The following STOX1 variants were observed in gnomAD, a reference collection of about 807,000 sequenced individuals.
STOX1 encodes storkhead-box protein 1.
In STOX1, 57 loss-of-function variants were observed where a neutral mutation model predicts 74.8. The ratio of observed to expected loss-of-function variants is 0.76; its 90% CI spans 0.62 to 0.95. The LOEUF (loss-of-function observed/expected upper bound fraction) is 0.95, where lower values mean the gene tolerates loss of function less well. Among genes scored for constraint, STOX1 ranks in the 40% least tolerant of loss-of-function variants. The pLI is 0.00. For synonymous variants in STOX1, 375 were observed against 401.3 expected (o/e 0.93, Z 0.78); for missense variants, 1,010 against 1,117.0 (o/e 0.90, Z 1.37).
chr10:68,845,813 G>C (rs934954088), intron 1 of STOX1, among the ~76,000 whole-genome samples: 2 of 150,872 alleles, frequency 1.3e-5, no homozygotes, highest in African/African-American at 2.4e-5. Context: ...TCTTGGCCAG[G>C]CTGGTCTTGA....
At chr10:68,873,560 CTT>C (rs5785876) in intron 1 of STOX1, among the ~76,000 whole-genome samples, 3 of 102,192 alleles carry the variant, frequency 2.9e-5, no homozygotes, top group Non-Finnish European at 5.6e-5. Context: ...CGCGCCTGGC[CTT>C]TTTTTTTTTT....
intron 1 of STOX1, among the ~76,000 whole-genome samples, chr10:68,835,334 A>C (rs1301358359): frequency 6.6e-6 from 1 of 150,602 alleles, no homozygotes; most frequent in Non-Finnish European, 1.5e-5. Flanking sequence ...GAGCCACCGC[A>C]CCCGGCTGGC....
In STOX1 at chr10:68,827,575, C is replaced by G; in HGVS notation, c.-49C>G. 9.1e-7 allele frequency: 1 copy of G among 1,098,778 alleles called. No homozygotes were observed. Among genetic ancestry groups the G allele is most frequent in the Non-Finnish European group, 1.1e-6 (1 of 899,490 alleles). 68.1% of individuals were successfully genotyped at this position (1,098,778 alleles called of 1,614,324 possible). A position where few individuals can be genotyped will look rare whatever the true frequency, so the allele number is the denominator to read the frequency against. ...GCCGAGCGAGCGGCGTCGTAGCCGC[C>G]GCGCTCGCCGAGGCCCTGCGTTGCG... On this transcript the variant is annotated 5_prime_UTR_variant, in exon 1 of 4. Coordinates refer to ENST00000298596, the MANE Select transcript of STOX1 (RefSeq NM_152709.5).
Position 68,884,480 on chromosome 10 carries a change from A to G in STOX1, c.684A>G (p.Ala228=). The change falls in exon 3 of 4, where the codon GCA becomes GCG. Residue 228 remains alanine, a synonymous_variant. Transcript: ENST00000298596. ...ATCTGGTGAGCATGGAGAGCTGTGC[A>G]GAGTCAGCCCAAGAGAATGCTGCCC... is the stretch of plus-strand genomic sequence containing the variant. ...MTYLVSMESC[A]ESAQENAAPI... 1 of 1,613,776 alleles carries G rather than the reference A, an allele frequency of 6.2e-7. No individual in the cohort carries two copies. Among genetic ancestry groups the G allele is most frequent in the Non-Finnish European group, 8.5e-7 (1 of 1,179,964 alleles).
Position 68,886,131 on chromosome 10 carries a change from C to T in STOX1, c.2335C>T (p.Leu779=). ...LGKQKVIERS[L]TEYNSTMERV... ...AAAACAAAAAGTGATTGAGAGATCT[C>T]TGACCGAGTACAACAGCACAATGGA... Residue 779 remains leucine (L), a synonymous_variant, in exon 3 of 4, where the codon CTG becomes TTG. Coordinates refer to ENST00000298596, the MANE Select transcript of STOX1 (RefSeq NM_152709.5). The T allele has an allele frequency of 6.2e-7, 1 of 1,614,200 alleles. No homozygotes were observed. The highest frequency in any genetic ancestry group is 1.3e-5 in the African/African-American group (1 of 75,052).
chr10:68,861,431 G>C (rs1044453077), intron 1 of STOX1, among the ~76,000 whole-genome samples: 1 of 152,144 alleles, frequency 6.6e-6, no homozygotes. Context: ...GGTGGGCCAG[G>C]TGTTCCTTGT....
intron 1 of STOX1, among the ~76,000 whole-genome samples, chr10:68,872,342 CTTT>C (rs72451894): frequency 6.7e-5 from 6 of 89,314 alleles, no homozygotes; most frequent in Non-Finnish European, 1.4e-4. Flanking sequence ...TTTTTCTTTT[CTTT>C]TTTTTTTTTT....
intron 1 of STOX1, among the ~76,000 whole-genome samples, chr10:68,876,855 C>T (rs1052073190): frequency 1.3e-5 from 2 of 152,128 alleles, no homozygotes; most frequent in Non-Finnish European, 2.9e-5. Flanking sequence ...CTGGTTACAT[C>T]TATAAGTGGG....
chr10:68,882,243 GC>G, intron 2 of STOX1, 133 bp downstream of exon 2: 1 of 824,136 alleles, frequency 1.2e-6, no homozygotes, highest in Non-Finnish European at 2.0e-6. Flanking sequence ...TCAGAACCCT[GC>G]CAGAAGAAGT....
rs573001595 is a variant in STOX1 at position 68,867,850 on chromosome 10, G to A, written c.311-14108G>A. Among the ~76,000 whole-genome samples the A allele has an allele frequency of 2.6e-5, 4 of 152,314 alleles. No individual in the cohort carries two copies. In the South Asian group the frequency reaches 8.3e-4, roughly 32 times the overall value. On this transcript the variant is annotated intron_variant, in intron 1 of 3. Transcript: ENST00000298596. ...CATAGTTCCTCAGTTCGGAAACCAGGGACAATATTTCTCTACCGCACTAAA... is the reference window on the plus strand; with the variant it reads ...CATAGTTCCTCAGTTCGGAAACCAGAGACAATATTTCTCTACCGCACTAAA...
At chr10:68,873,810 C>A (rs1404854534) in intron 1 of STOX1, among the ~76,000 whole-genome samples, 1 of 150,672 alleles carries the variant, frequency 6.6e-6, no homozygotes, top group Non-Finnish European at 1.5e-5. Flanking sequence ...GCCACCATGC[C>A]CAGCTAATTT....
chr10:68,866,942 C>CTTTTTT (rs1488566686), intron 1 of STOX1, among the ~76,000 whole-genome samples: 1 of 122,578 alleles, frequency 8.2e-6, no homozygotes, highest in African/African-American at 3.3e-5. Flanking sequence ...CAATGCTTTC[C>CTTTTTT]TTGTTTTTTT....
At position 68,884,771 on chromosome 10, in the gene STOX1, G is replaced by T. The variant is rs377702657; in HGVS notation, c.975G>T (p.Lys325Asn). 1 of 1,614,166 alleles carries T rather than the reference G, an allele frequency of 6.2e-7. No individual in the cohort carries two copies. Among genetic ancestry groups the T allele is most frequent in the South Asian group, 1.1e-5 (1 of 91,082 alleles). The change falls in exon 3 of 4, where the codon AAG becomes AAT. Residue 325 changes from lysine (K) to asparagine (N), a missense_variant. By Grantham distance (94) the Lys-to-Asn change is moderately conservative. Coordinates refer to ENST00000298596, the MANE Select transcript of STOX1 (RefSeq NM_152709.5). ...GGCGCAGCTTATCTAGAAAGGAGAA[G>T]CCCAAAACAGAACACAGCAGTTTCT... ...LLWRSLSRKE[K>N]PKTEHSSFSA...
intron 3 of STOX1, among the ~76,000 whole-genome samples, chr10:68,887,437 C>T (rs995682055): frequency 1.3e-5 from 2 of 151,582 alleles, no homozygotes; most frequent in African/African-American, 2.4e-5. Flanking sequence ...CATGCACCAC[C>T]ACACCCAGCT....
intron 1 of STOX1, among the ~76,000 whole-genome samples, chr10:68,838,090 A>G (rs1165001679): frequency 4.8e-5 from 7 of 146,564 alleles, no homozygotes; most frequent in Admixed American, 4.2e-4. Flanking sequence ...TTTTTGAGAT[A>G]GGGTCTGGCT....
chr10:68,888,831 T>A (rs1470512429), intron 3 of STOX1, among the ~76,000 whole-genome samples: 5 of 133,342 alleles, frequency 3.7e-5, no homozygotes, highest in African/African-American at 1.5e-4. Flanking sequence ...TTTTTTTTTT[T>A]TTTGGAGAGA....
chr10:68,895,307 T>G (rs545652861), downstream of STOX1: 31 of 152,368 alleles, frequency 2.0e-4, no homozygotes, highest in African/African-American at 7.2e-4. Context: ...GGATGCATTA[T>G]GACACTCTCC....
chr10:68,827,590 C>T lies in STOX1; in HGVS notation c.-34C>T, dbSNP rs1300291299. 6.2e-6 allele frequency: 7 copies of T among 1,127,908 alleles called. No individual in the cohort carries two copies. Among genetic ancestry groups the T allele is most frequent in the Admixed American group, 9.8e-5 (2 of 20,482 alleles). The allele number at this position is 1,127,908 out of a possible 1,614,324, so 69.9% of individuals were successfully genotyped here. Reference sequence around the variant, plus strand: ...TCGTAGCCGCCGCGCTCGCCGAGGCCCTGCGTTGCGGGCTCCCGGCCGCCG... The same window carrying T: ...TCGTAGCCGCCGCGCTCGCCGAGGCTCTGCGTTGCGGGCTCCCGGCCGCCG... On this transcript the variant is annotated 5_prime_UTR_variant, in exon 1 of 4. Transcript: ENST00000298596.
chr10:68,885,642 G>T lies in STOX1; in HGVS notation c.1846G>T (p.Val616Leu), dbSNP rs1408814346. The change falls in exon 3 of 4, where the codon GTA (valine) becomes TTA (leucine). Residue 616 changes from valine to leucine, a missense_variant. By Grantham distance (32) the Val-to-Leu change is conservative. Transcript: ENST00000298596. ...TGAAGTGTATGGTGGAGAAAATGAGGTAATTCCTGAAGTCTTGAGGAAAAG... is the reference window on the plus strand; with the variant it reads ...TGAAGTGTATGGTGGAGAAAATGAGTTAATTCCTGAAGTCTTGAGGAAAAG... ...RYEVYGGENE[V>L]IPEVLRKSHS... is the part of the protein sequence containing the mutation. 2 of 1,614,052 alleles carry T rather than the reference G, an allele frequency of 1.2e-6. No individual in the cohort carries two copies. The highest frequency in any genetic ancestry group is 1.7e-5 in the Admixed American group (1 of 59,992).
Sources: allele counts gnomAD v4.1 joint callset (sites outside exome capture counted in the v4.1 genomes callset), GRCh38; gene constraint gnomAD v4.1.1; transcripts MANE v1.5; gene names NCBI Gene and HGNC (gene_info 2026-07-23, HGNC 2026-07-21).